The following CCDC171 variants were observed in gnomAD, a reference collection of about 807,000 sequenced individuals.
CCDC171 encodes the protein coiled-coil domain containing 171, also known as coiled-coil domain-containing protein 171.
CCDC171 carries 177 observed loss-of-function variants against 168.2 expected under a neutral mutation model. That is an observed-to-expected ratio of 1.05 (90% CI 0.93 to 1.19). CCDC171 has a LOEUF of 1.19. Among genes scored for constraint, CCDC171 ranks in the 50% most tolerant of loss-of-function variants. CCDC171 has a pLI of 0.00. For missense variants in CCDC171, 1,991 were observed against 1,539.0 expected (o/e 1.29, Z -4.91); for synonymous variants, 687 against 540.8 (o/e 1.27, Z -3.75).
At chr9:15,841,712 A>G (rs748696119) in intron 21 of CCDC171, among the ~76,000 whole-genome samples, 12 of 151,892 alleles carry the variant, frequency 7.9e-5, no homozygotes, top group Non-Finnish European at 1.8e-4. Context: ...TTATTGTTGT[A>G]TTTTTATTGT....
intron 8 of CCDC171, among the ~76,000 whole-genome samples, chr9:15,661,018 C>T (rs1170668515): frequency 6.6e-5 from 10 of 152,174 alleles, no homozygotes; most frequent in Non-Finnish European, 7.4e-5. Context: ...CGGGGGCTCA[C>T]GCCTGTAATC....
chr9:16,090,538 A>G, the CCDC171 span, among the ~76,000 whole-genome samples: 2 of 152,234 alleles, frequency 1.3e-5, no homozygotes, highest in African/African-American at 4.8e-5. Context: ...CACGTTCTGC[A>G]TATGTATCCC....
At chr9:16,082,537 A>G in the CCDC171 span, among the ~76,000 whole-genome samples, 11 of 152,330 alleles carry the variant, frequency 7.2e-5, no homozygotes, top group African/African-American at 2.6e-4. Context: ...TTGCTTTTGT[A>G]AAGCAAAGAA....
chr9:15,792,254 G>A (rs997252489), intron 21 of CCDC171, among the ~76,000 whole-genome samples: 1 of 152,206 alleles, frequency 6.6e-6, no homozygotes, highest in Non-Finnish European at 1.5e-5. Flanking sequence ...GAAATGAAGT[G>A]AGAAGAGAAG....
At chr9:15,881,774 T>C (rs1818680442) in intron 24 of CCDC171, among the ~76,000 whole-genome samples, 1 of 152,230 alleles carries the variant, frequency 6.6e-6, no homozygotes, top group African/African-American at 2.4e-5. Context: ...CAGTTCTATC[T>C]GTGTTGCTGC....
At chr9:15,598,579 A>G (rs942371589) in intron 6 of CCDC171, among the ~76,000 whole-genome samples, 5 of 152,124 alleles carry the variant, frequency 3.3e-5, no homozygotes, top group African/African-American at 1.2e-4. Context: ...CTATGTGGTC[A>G]ATTTTGGAAT....
intron 21 of CCDC171, among the ~76,000 whole-genome samples, chr9:15,822,795 G>C (rs1428276070): frequency 6.6e-6 from 1 of 152,114 alleles, no homozygotes; most frequent in Non-Finnish European, 1.5e-5. Context: ...CAGGGATCTA[G>C]AACTAGAAAT....
chr9:15,888,022 C>T (rs1048371556), intron 24 of CCDC171: 3 of 152,226 alleles, frequency 2.0e-5, no homozygotes, highest in Non-Finnish European at 2.9e-5. Context: ...ATGAAGTCTC[C>T]ATAAGGTGAC....
rs146320589 is a variant in CCDC171, at chr9:15,599,899, G to A, written c.675+5727G>A. ...TCTTCTCACTTCATTTCATTCATTTGATCTTCCATCACTGATACCCTTTCT... is the reference window on the plus strand; with the variant it reads ...TCTTCTCACTTCATTTCATTCATTTAATCTTCCATCACTGATACCCTTTCT... On this transcript the variant is annotated intron_variant, in intron 6 of 25. Transcript: ENST00000380701. 1.7e-3 allele frequency among the ~76,000 whole-genome samples: 265 copies of A among 151,932 alleles called. 4 individuals carry two copies. Among genetic ancestry groups the A allele is most frequent in the African/African-American group, 6.0e-3 (248 of 41,418 alleles).
At chr9:15,848,488 C>G (rs1256396498) in intron 22 of CCDC171, among the ~76,000 whole-genome samples, 3 of 151,794 alleles carry the variant, frequency 2.0e-5, no homozygotes, top group East Asian at 3.9e-4. Context: ...TTATATATCC[C>G]CATCACTAAG....
chr9:15,809,972 G>C (rs2059265410), intron 21 of CCDC171, among the ~76,000 whole-genome samples: 1 of 152,248 alleles, frequency 6.6e-6, no homozygotes, highest in South Asian at 2.1e-4. Context: ...TTTTGACAGG[G>C]TGCCGATTGG....
intron 3 of CCDC171, among the ~76,000 whole-genome samples, chr9:16,004,092 G>A (rs921299192): frequency 2.0e-5 from 3 of 152,172 alleles, no homozygotes; most frequent in African/African-American, 4.8e-5. Flanking sequence ...AAAGGAACAC[G>A]CGGGAGTTTG....
intron 3 of CCDC171, among the ~76,000 whole-genome samples, chr9:15,575,201 T>C (rs1026735235): frequency 6.8e-6 from 1 of 146,576 alleles, no homozygotes; most frequent in African/African-American, 2.5e-5. Flanking sequence ...GGTCTCGCTC[T>C]GTCACCCAGG....
At chr9:15,569,176 C>T (rs975429171) in intron 2 of CCDC171, among the ~76,000 whole-genome samples, 7 of 152,136 alleles carry the variant, frequency 4.6e-5, no homozygotes, top group African/African-American at 1.4e-4. Context: ...TTATATCCTT[C>T]GGAATCCGCC....
At chr9:15,990,572 A>G (rs572575286) in intron 3 of CCDC171, among the ~76,000 whole-genome samples, 1 of 152,320 alleles carries the variant, frequency 6.6e-6, no homozygotes, top group African/African-American at 2.4e-5. Context: ...TTCACACATA[A>G]CAATATTAAC....
At chr9:15,646,386 A>G (rs972666764) in intron 7 of CCDC171, among the ~76,000 whole-genome samples, 4 of 152,206 alleles carry the variant, frequency 2.6e-5, no homozygotes, top group African/African-American at 9.7e-5. Context: ...GACAGGATCA[A>G]ATTCACACAT....
chr9:15,910,126 A>G lies in CCDC171; in HGVS notation c.3601-10144A>G, dbSNP rs1041575433. On this transcript the variant is annotated intron_variant, in intron 24 of 25. Coordinates refer to ENST00000380701, the MANE Select transcript of CCDC171 (RefSeq NM_173550.4). ...TATCCATGTGGCTGCATAAGACATG[A>G]GTTTCCTTTTTTTAATGCCTGTGTT... 9.2e-5 allele frequency among the ~76,000 whole-genome samples: 14 copies of G among 151,542 alleles called. No individual in the cohort carries two copies. The South Asian group carries it at 1.9e-3, about 20-fold the overall frequency.
At chr9:16,054,232 G>GTAAC (rs1025050808) in intron 1 of CCDC171, among the ~76,000 whole-genome samples, 3 of 152,134 alleles carry the variant, frequency 2.0e-5, no homozygotes, top group Admixed American at 6.5e-5. Context: ...GAACACCCTG[G>GTAAC]TAACCCATTA....
In CCDC171 at chr9:15,591,361, A is replaced by G; in HGVS notation, c.353-5A>G. On this transcript the variant is annotated splice_region_variant and splice_polypyrimidine_tract_variant and intron_variant, in intron 4 of 25. Coordinates refer to ENST00000380701, the MANE Select transcript of CCDC171 (RefSeq NM_173550.4). ...TAAATGTACCTATTATTCTATTCTT[A>G]ATAGCACAGAATTCAGAACTTCAAG... 6.4e-7 allele frequency: 1 copy of G among 1,559,378 alleles called. No individual in the cohort carries two copies. The highest frequency in any genetic ancestry group is 8.7e-7 in the Non-Finnish European group (1 of 1,143,046).
Sources: gnomAD v4.1 joint callset for allele counts (sites outside exome capture counted in the v4.1 genomes callset) on GRCh38, gnomAD v4.1.1 for gene constraint, MANE v1.5 for transcripts, NCBI Gene and HGNC (gene_info 2026-07-23, HGNC 2026-07-21) for gene names.